Variants in DLG2 observed in about 807,000 individuals in gnomAD.
The protein encoded by DLG2 is discs large MAGUK scaffold protein 2.
A neutral mutation model predicts 132.5 loss-of-function variants in DLG2; 45 were observed. That is an observed-to-expected ratio of 0.34 (90% CI 0.27 to 0.44). DLG2 has a LOEUF of 0.44. DLG2 is among the 20% of genes least tolerant of loss of function. The pLI is 1.00. For missense variants in DLG2, 1,045 were observed against 1,196.9 expected (o/e 0.87, Z 1.87); for synonymous variants, 424 against 419.6 (o/e 1.01, Z -0.13).
intron 17 of DLG2, among the ~76,000 whole-genome samples, chr11:83,812,734 A>T (rs1219443878): frequency 6.6e-6 from 1 of 152,102 alleles, no homozygotes; most frequent in Non-Finnish European, 1.5e-5. Flanking sequence ...TCACTGAAGG[A>T]CAGACAAGAA....
At chr11:85,601,472 C>T (rs1165923749) in intron 2 of DLG2, among the ~76,000 whole-genome samples, 1 of 152,048 alleles carries the variant, frequency 6.6e-6, no homozygotes, top group Non-Finnish European at 1.5e-5. Flanking sequence ...TCCTGAGTAG[C>T]TGGGACTACA....
At chr11:84,736,536 T>C (rs2063854134) in intron 6 of DLG2, among the ~76,000 whole-genome samples, 1 of 151,970 alleles carries the variant, frequency 6.6e-6, no homozygotes, top group African/African-American at 2.4e-5. Context: ...TCTGTCTACT[T>C]TTAAGGTCTT....
intron 9 of DLG2, among the ~76,000 whole-genome samples, chr11:84,122,307 T>C (rs1178951486): frequency 1.3e-5 from 2 of 152,118 alleles, no homozygotes; most frequent in African/African-American, 4.8e-5. Flanking sequence ...GTGACAGAGC[T>C]AGACTTCATC....
chr11:84,641,700 T>C (rs763488068), intron 6 of DLG2, among the ~76,000 whole-genome samples: 7 of 152,058 alleles, frequency 4.6e-5, no homozygotes, highest in Non-Finnish European at 1.0e-4. Context: ...CAAGCTTGGA[T>C]TACCTTGGGC....
intron 3 of DLG2, among the ~76,000 whole-genome samples, chr11:85,459,503 C>T (rs2092534350): frequency 6.6e-6 from 1 of 152,160 alleles, no homozygotes; most frequent in Non-Finnish European, 1.5e-5. Flanking sequence ...CAGGGAGCCC[C>T]ACCCCAGGGA....
At chr11:84,513,166 A>T (rs548709886) in intron 7 of DLG2, among the ~76,000 whole-genome samples, 3 of 151,272 alleles carry the variant, frequency 2.0e-5, no homozygotes, top group Admixed American at 1.3e-4. Context: ...TAAAATAAAT[A>T]AATTAAAAGA....
At chr11:85,249,934 A>T (rs1387269180) in intron 4 of DLG2, among the ~76,000 whole-genome samples, 1 of 152,150 alleles carries the variant, frequency 6.6e-6, no homozygotes, top group Non-Finnish European at 1.5e-5. Flanking sequence ...TGTTTAAAAG[A>T]AAATAAAAAG....
Position 85,048,625 on chromosome 11 carries a change from A to G in DLG2, c.357+63036T>C, listed in dbSNP as rs2062583918. Among the ~76,000 whole-genome samples the G allele has an allele frequency of 2.0e-5, 3 of 152,010 alleles. 1 individual carries two copies. In the South Asian group the frequency reaches 6.2e-4, roughly 31 times the overall value. On this transcript the variant is annotated intron_variant, in intron 6 of 27. Transcript: ENST00000376104. The stretch of plus-strand genomic sequence containing the variant: ...TCAATTTTTAAAACATTATCCTATT[A>G]TTTAGTTGAGCGATTCAATATCTGT...
intron 3 of DLG2, among the ~76,000 whole-genome samples, chr11:85,296,467 CTTT>C (rs66526147): frequency 2.1e-4 from 25 of 121,536 alleles, no homozygotes; most frequent in Non-Finnish European, 2.9e-4. Context: ...TTTCGATTTT[CTTT>C]TTTTTTTTTT....
rs59497240 is a variant in DLG2, at chr11:84,069,566, G to A, written c.750-10082C>T. Among the ~76,000 whole-genome samples the A allele has an allele frequency of 4.6e-3, 699 of 152,208 alleles. 6 individuals carry two copies. Among genetic ancestry groups the A allele is most frequent in the African/African-American group, 0.016 (651 of 41,544 alleles). Reference sequence around the variant, plus strand: ...TTTAAAAAATAGGGCTTCTGCTCTCGTCTCTAACTCTGAATGAGAGTAACT... The same window carrying A: ...TTTAAAAAATAGGGCTTCTGCTCTCATCTCTAACTCTGAATGAGAGTAACT... On this transcript the variant is annotated intron_variant, in intron 10 of 27. Transcript: ENST00000376104.
chr11:85,034,622 T>A (rs1593026939), intron 6 of DLG2, among the ~76,000 whole-genome samples: 1 of 152,148 alleles, frequency 6.6e-6, no homozygotes, highest in African/African-American at 2.4e-5. Context: ...CAGGAAAACT[T>A]CAGAGTCTAG....
At chr11:84,837,006 C>T (rs2079894413) in intron 6 of DLG2, among the ~76,000 whole-genome samples, 1 of 151,752 alleles carries the variant, frequency 6.6e-6, no homozygotes, top group South Asian at 2.1e-4. Context: ...GCTATCCCTC[C>T]CGCCTCTCCC....
chr11:85,174,031 A>C (rs1209677815), intron 4 of DLG2, among the ~76,000 whole-genome samples: 1 of 152,188 alleles, frequency 6.6e-6, no homozygotes, highest in Non-Finnish European at 1.5e-5. Context: ...GGGAGACTTA[A>C]ACACCCTACT....
At chr11:84,105,836 G>C (rs2092867766) in intron 9 of DLG2, among the ~76,000 whole-genome samples, 1 of 152,060 alleles carries the variant, frequency 6.6e-6, no homozygotes, top group East Asian at 1.9e-4. Flanking sequence ...ACACCTATCT[G>C]TTCCTTTTGC....
At chr11:84,939,581 T>A (rs2049143590) in intron 6 of DLG2, among the ~76,000 whole-genome samples, 1 of 152,120 alleles carries the variant, frequency 6.6e-6, no homozygotes, top group Non-Finnish European at 1.5e-5. Context: ...CCCACCACTA[T>A]CCTTCCTAGC....
At chr11:84,474,520 G>A (rs1337800521) in intron 7 of DLG2, among the ~76,000 whole-genome samples, 1 of 152,002 alleles carries the variant, frequency 6.6e-6, no homozygotes, top group Non-Finnish European at 1.5e-5. Context: ...TTTTGCCAAT[G>A]AGTGTGTTGA....
At chr11:85,285,153 A>G (rs2078477982) in intron 4 of DLG2, 67 bp downstream of exon 4, 1 of 1,379,330 alleles carries the variant, frequency 7.2e-7, no homozygotes. Context: ...CACCACTACT[A>G]CCATTACTTC....
At chr11:83,553,057 A>G (rs2512689) in intron 19 of DLG2, among the ~76,000 whole-genome samples, 71,925 of 151,882 alleles carry the variant, frequency 0.47, 17,602 homozygotes, top group Admixed American at 0.57. Flanking sequence ...GAGTTAGGTG[A>G]AGTCTTACTT....
At chr11:84,775,936 A>G (rs12362064) in intron 6 of DLG2, among the ~76,000 whole-genome samples, 40,958 of 152,130 alleles carry the variant, frequency 0.27, 6,044 homozygotes, top group Middle Eastern at 0.32. Context: ...GAGTGAGTCC[A>G]TTTAAAACTT....
Sources: allele counts gnomAD v4.1 joint callset (sites outside exome capture counted in the v4.1 genomes callset), GRCh38; gene constraint gnomAD v4.1.1; transcripts MANE v1.5; gene names NCBI Gene and HGNC (gene_info 2026-07-23, HGNC 2026-07-21).